GRIK1: variants seen among roughly 807,000 people sequenced by gnomAD.
GRIK1 encodes glutamate receptor ionotropic, kainate 1.
GRIK1 carries 69 observed loss-of-function variants against 105.7 expected under a neutral mutation model. That is an observed-to-expected ratio of 0.65 (90% CI 0.54 to 0.80). GRIK1 has a LOEUF of 0.80. Ranked by LOEUF, GRIK1 falls within the 30% of genes least tolerant of loss-of-function variation. GRIK1 has a pLI of 0.00. For missense variants in GRIK1, 1,109 were observed against 1,167.3 expected (o/e 0.95, Z 0.73); for synonymous variants, 438 against 431.3 (o/e 1.02, Z -0.19).
At chr21:29,688,301 C>T (rs1221912350) in intron 3 of GRIK1, among the ~76,000 whole-genome samples, 3 of 152,156 alleles carry the variant, frequency 2.0e-5, no homozygotes, top group Non-Finnish European at 4.4e-5. Flanking sequence ...TCACTTTTAT[C>T]TGACTATATA....
At chr21:29,583,821 G>T (rs2091073559) in intron 12 of GRIK1, among the ~76,000 whole-genome samples, 1 of 152,142 alleles carries the variant, frequency 6.6e-6, no homozygotes, top group Non-Finnish European at 1.5e-5. Context: ...TTGCCTGGAT[G>T]TAGACATTTC....
intron 14 of GRIK1, among the ~76,000 whole-genome samples, chr21:29,575,732 T>C (rs992150773): frequency 1.3e-5 from 2 of 152,110 alleles, no homozygotes; most frequent in African/African-American, 4.8e-5. Context: ...CTTGGGAGGC[T>C]GAGGCAGGAG....
intron 1 of GRIK1, among the ~76,000 whole-genome samples, chr21:29,738,514 G>A (rs557696326): frequency 1.3e-5 from 2 of 152,216 alleles, no homozygotes; most frequent in South Asian, 4.2e-4. Context: ...AACTTGAAAG[G>A]GTAAAAGCAG....
chr21:29,811,486 G>A (rs2067008549), intron 1 of GRIK1, among the ~76,000 whole-genome samples: 3 of 152,082 alleles, frequency 2.0e-5, no homozygotes, highest in African/African-American at 7.2e-5. Context: ...CTAGCAAATA[G>A]TAAATGGGCC....
At chr21:29,910,049 T>A (rs7280106) in intron 1 of GRIK1, among the ~76,000 whole-genome samples, 21 of 152,264 alleles carry the variant, frequency 1.4e-4, no homozygotes, top group African/African-American at 4.8e-4. Flanking sequence ...AGTAATTGCA[T>A]TGTTTGTAAC....
intron 3 of GRIK1, among the ~76,000 whole-genome samples, chr21:29,677,066 C>G (rs1157681821): frequency 1.3e-5 from 2 of 152,144 alleles, no homozygotes; most frequent in Non-Finnish European, 2.9e-5. Flanking sequence ...GGAAAAAGGT[C>G]AAGATATCTG....
intron 7 of GRIK1, among the ~76,000 whole-genome samples, chr21:29,602,034 TTTGA>T (rs2061528465): frequency 6.6e-6 from 1 of 152,256 alleles, no homozygotes; most frequent in Non-Finnish European, 1.5e-5. Flanking sequence ...GCGAAATATC[TTTGA>T]TTGGGAGTCA....
intron 4 of GRIK1, among the ~76,000 whole-genome samples, chr21:29,668,574 A>G (rs2063103200): frequency 6.6e-6 from 1 of 152,206 alleles, no homozygotes; most frequent in Non-Finnish European, 1.5e-5. Context: ...ATTTAAGTGT[A>G]TGCTCAGTAT....
At chr21:29,637,171 A>G (rs2062413139) in intron 7 of GRIK1, among the ~76,000 whole-genome samples, 1 of 152,158 alleles carries the variant, frequency 6.6e-6, no homozygotes, top group African/African-American at 2.4e-5. Context: ...AAGCACTGTG[A>G]CCCAGAAAAT....
chr21:29,918,125 C>T (rs1198818047), intron 1 of GRIK1, among the ~76,000 whole-genome samples: 2 of 151,890 alleles, frequency 1.3e-5, no homozygotes, highest in Non-Finnish European at 2.9e-5. Context: ...ATTCTCACTC[C>T]TAAATTCTCT....
chr21:29,618,048 C>T (rs1017872964), intron 7 of GRIK1, among the ~76,000 whole-genome samples: 3 of 152,112 alleles, frequency 2.0e-5, no homozygotes, highest in South Asian at 4.1e-4. Flanking sequence ...ACCTAGTGTC[C>T]CTTAGTGTCA....
At chr21:29,774,611 C>G (rs2065896398) in intron 1 of GRIK1, among the ~76,000 whole-genome samples, 1 of 152,110 alleles carries the variant, frequency 6.6e-6, no homozygotes, top group African/African-American at 2.4e-5. Context: ...GCTACCATGA[C>G]TGGCTAATTT....
At chr21:29,544,770 C>T (rs2063071552) in intron 16 of GRIK1, among the ~76,000 whole-genome samples, 1 of 152,130 alleles carries the variant, frequency 6.6e-6, no homozygotes, top group Admixed American at 6.5e-5. Context: ...AGGACTCAGC[C>T]TATAGGACTG....
At chr21:29,852,588 T>C (rs1341709963) in intron 1 of GRIK1, among the ~76,000 whole-genome samples, 1 of 152,202 alleles carries the variant, frequency 6.6e-6, no homozygotes, top group African/African-American at 2.4e-5. Context: ...TTGTAGGCAG[T>C]AAATAAATGT....
chr21:29,545,323 A>G (rs1009787555), intron 16 of GRIK1, among the ~76,000 whole-genome samples: 1 of 152,232 alleles, frequency 6.6e-6, no homozygotes, highest in Non-Finnish European at 1.5e-5. Flanking sequence ...CAAACCACAC[A>G]GTGCCTTTCT....
intron 7 of GRIK1, among the ~76,000 whole-genome samples, chr21:29,638,457 A>G (rs540277210): frequency 6.6e-6 from 1 of 152,284 alleles, no homozygotes; most frequent in South Asian, 2.1e-4. Flanking sequence ...TGAATTCGAG[A>G]TGAGATTTGA....
chr21:29,548,941 TATTTC>T (rs912941616), intron 16 of GRIK1, among the ~76,000 whole-genome samples: 3 of 152,250 alleles, frequency 2.0e-5, no homozygotes, highest in African/African-American at 7.2e-5. Context: ...TTTTTTCCCT[TATTTC>T]ATTAGGTTAG....
intron 1 of GRIK1, among the ~76,000 whole-genome samples, chr21:29,846,113 G>C (rs768524038): frequency 1.3e-5 from 2 of 152,226 alleles, no homozygotes; most frequent in East Asian, 1.9e-4. Context: ...CTTCTTGACC[G>C]GGTGCAGTGG....
At position 29,715,249 on chromosome 21, in the gene GRIK1, G is replaced by T. The variant is rs563432953; in HGVS notation, c.119-21186C>A. On this transcript the variant is annotated intron_variant, in intron 1 of 17. Transcript: ENST00000327783. Reference sequence around the variant, plus strand: ...TCATAGCACATGGGGATTCACTAGTGACTGCCGGTGGTCAGTCTGATGAGT... The same window carrying T: ...TCATAGCACATGGGGATTCACTAGTTACTGCCGGTGGTCAGTCTGATGAGT... Among the ~76,000 whole-genome samples the T allele has an allele frequency of 4.8e-4, 73 of 152,156 alleles. 2 individuals carry two copies. The highest frequency in any genetic ancestry group is 8.5e-4 in the Non-Finnish European group (58 of 68,018).
Sources: gnomAD v4.1 joint callset for allele counts (sites outside exome capture counted in the v4.1 genomes callset) on GRCh38, gnomAD v4.1.1 for gene constraint, MANE v1.5 for transcripts, NCBI Gene and HGNC (gene_info 2026-07-23, HGNC 2026-07-21) for gene names.